CADM2: variants seen among roughly 807,000 people sequenced by gnomAD.
CADM2 encodes cell adhesion molecule 2, also known as immunoglobulin superfamily member 4D.
A neutral mutation model predicts 49.8 loss-of-function variants in CADM2; 12 were observed. That is an observed-to-expected ratio of 0.24 (90% CI 0.15 to 0.39). CADM2 has a LOEUF of 0.39. CADM2 is among the 10% of genes least tolerant of loss of function. CADM2 has a pLI of 1.00. For missense variants in CADM2, 378 were observed against 492.3 expected, an observed-to-expected ratio of 0.77 and a Z score of 2.20; for synonymous variants, 214 against 175.4, an observed-to-expected ratio of 1.22 and a Z score of -1.74.
chr3:85,785,545 C>T (rs907092347), intron 2 of CADM2, among the ~76,000 whole-genome samples: 3 of 151,940 alleles, frequency 2.0e-5, no homozygotes, highest in African/African-American at 7.2e-5. Context: ...ACAATAATAT[C>T]CATGAAACAC....
chr3:85,181,728 C>T (rs1227083939), intron 1 of CADM2, among the ~76,000 whole-genome samples: 1 of 151,538 alleles, frequency 6.6e-6, no homozygotes, highest in Non-Finnish European at 1.5e-5. Flanking sequence ...GAAGTCTACC[C>T]ACAGAGATTT....
At chr3:85,515,450 G>T (rs1475639417) in intron 1 of CADM2, among the ~76,000 whole-genome samples, 2 of 144,978 alleles carry the variant, frequency 1.4e-5, no homozygotes, top group African/African-American at 2.5e-5. Flanking sequence ...ATTATATGGA[G>T]TCTGGCTCTG....
intron 2 of CADM2, among the ~76,000 whole-genome samples, chr3:85,735,134 T>A (rs749152177): frequency 6.6e-6 from 1 of 152,052 alleles, no homozygotes; most frequent in South Asian, 2.1e-4. Flanking sequence ...AAAACTTACA[T>A]ACTGTCGTAT....
rs115120674 is a variant in CADM2 at position 85,478,264 on chromosome 3, A to G, written c.62-248258A>G. Among the ~76,000 whole-genome samples the G allele has an allele frequency of 8.6e-3, 1,309 of 152,078 alleles. 22 individuals are homozygous for G. The highest frequency in any genetic ancestry group is 0.03 in the African/African-American group (1,262 of 41,512). ...TAATGAATAAATGCAAAATATTTGT[A>G]ATGATGTTGAAAAACTCAAATTTTC... is the stretch of plus-strand genomic sequence containing the variant. On this transcript the variant is annotated intron_variant, in intron 1 of 9. Coordinates refer to ENST00000383699, the MANE Select transcript of CADM2 (RefSeq NM_001167675.2).
chr3:85,925,863 C>T (rs1348621272), intron 6 of CADM2, among the ~76,000 whole-genome samples: 1 of 152,226 alleles, frequency 6.6e-6, no homozygotes, highest in East Asian at 1.9e-4. Flanking sequence ...ATAGGCCGGG[C>T]ACAGTGGCTC....
intron 5 of CADM2, among the ~76,000 whole-genome samples, chr3:85,896,620 A>C (rs1213390468): frequency 6.6e-6 from 1 of 152,178 alleles, no homozygotes; most frequent in East Asian, 1.9e-4. Flanking sequence ...ATCATTCTAT[A>C]AGCATTATTT....
chr3:85,731,332 G>T (rs1300281833), intron 2 of CADM2, among the ~76,000 whole-genome samples: 3 of 152,126 alleles, frequency 2.0e-5, no homozygotes, highest in Admixed American at 1.3e-4. Context: ...TTTGTAGTCA[G>T]ACAGGAATAT....
chr3:85,400,297 G>A (rs1313057716), intron 1 of CADM2, among the ~76,000 whole-genome samples: 1 of 152,182 alleles, frequency 6.6e-6, no homozygotes, highest in Non-Finnish European at 1.5e-5. Context: ...CAGGGACGAA[G>A]CCCACTTGAT....
At chr3:85,676,082 C>T (rs2065879104) in intron 1 of CADM2, among the ~76,000 whole-genome samples, 1 of 152,194 alleles carries the variant, frequency 6.6e-6, no homozygotes, top group African/African-American at 2.4e-5. Context: ...GCTATTGACA[C>T]CACAGCAGAT....
chr3:85,950,701 T>C (rs1229079543), intron 7 of CADM2, among the ~76,000 whole-genome samples: 2 of 151,110 alleles, frequency 1.3e-5, no homozygotes, highest in African/African-American at 4.8e-5. Flanking sequence ...AAGTAGCACA[T>C]GCTGATATTA....
chr3:86,003,644 C>T (rs1730440187), intron 8 of CADM2, among the ~76,000 whole-genome samples: 1 of 152,058 alleles, frequency 6.6e-6, no homozygotes, highest in Non-Finnish European at 1.5e-5. Flanking sequence ...AGAAATATAT[C>T]CACTGTCTGC....
At chr3:85,905,061 T>C (rs1013382765) in intron 5 of CADM2, among the ~76,000 whole-genome samples, 6 of 152,116 alleles carry the variant, frequency 3.9e-5, no homozygotes, top group African/African-American at 1.4e-4. Flanking sequence ...ATTTTTAACT[T>C]GGTAATTTTT....
chr3:85,326,635 A>C (rs2044759119), intron 1 of CADM2, among the ~76,000 whole-genome samples: 1 of 152,152 alleles, frequency 6.6e-6, no homozygotes, highest in South Asian at 2.1e-4. Context: ...ATATATGGCT[A>C]ATTTGACGAA....
At chr3:85,794,159 C>G (rs1189873913) in intron 2 of CADM2, among the ~76,000 whole-genome samples, 4 of 152,020 alleles carry the variant, frequency 2.6e-5, no homozygotes, top group Non-Finnish European at 5.9e-5. Flanking sequence ...AGATGTGATA[C>G]TAATATATCT....
At chr3:85,042,522 A>G (rs565348877) in intron 1 of CADM2, among the ~76,000 whole-genome samples, 61 of 151,924 alleles carry the variant, frequency 4.0e-4, no homozygotes, top group Middle Eastern at 6.8e-3. Flanking sequence ...TTCTTTTTAG[A>G]TGCTCTGCAA....
At chr3:85,550,241 G>T (rs4301022) in intron 1 of CADM2, among the ~76,000 whole-genome samples, 77,830 of 151,884 alleles carry the variant, frequency 0.51, 23,003 homozygotes, top group East Asian at 0.85. Context: ...AAGATGTGGG[G>T]TGCATTGTAT....
At chr3:86,062,213 C>G (rs1227913632) in intron 8 of CADM2, among the ~76,000 whole-genome samples, 2 of 152,180 alleles carry the variant, frequency 1.3e-5, no homozygotes, top group South Asian at 2.1e-4. Context: ...TGATTTATGA[C>G]TGTCTGTTTA....
intron 1 of CADM2, among the ~76,000 whole-genome samples, chr3:85,424,135 G>T (rs1173421351): frequency 6.6e-6 from 1 of 151,994 alleles, no homozygotes; most frequent in Non-Finnish European, 1.5e-5. Context: ...CTGAGAAATA[G>T]ATTTTAAGTC....
At chr3:85,437,899 A>T (rs1271697779) in intron 1 of CADM2, among the ~76,000 whole-genome samples, 1 of 151,938 alleles carries the variant, frequency 6.6e-6, no homozygotes. Flanking sequence ...TTATTTTCTG[A>T]TTATAAAAAG....
Sources: allele counts gnomAD v4.1 joint callset (sites outside exome capture counted in the v4.1 genomes callset), GRCh38; gene constraint gnomAD v4.1.1; transcripts MANE v1.5; gene names NCBI Gene and HGNC (gene_info 2026-07-23, HGNC 2026-07-21).